The following SRGAP3 variants were observed in gnomAD, a reference collection of about 807,000 sequenced individuals.
The protein encoded by SRGAP3 is SLIT-ROBO Rho GTPase activating protein 3.
A neutral mutation model predicts 121.1 loss-of-function variants in SRGAP3; 39 were observed. That is an observed-to-expected ratio of 0.32 (90% CI 0.25 to 0.42). The LOEUF (loss-of-function observed/expected upper bound fraction) is 0.42, where lower values mean the gene tolerates loss of function less well. Ranked by LOEUF, SRGAP3 falls within the 10% of genes least tolerant of loss-of-function variation. The pLI is 1.00. For synonymous variants in SRGAP3, 601 were observed against 570.0 expected, an observed-to-expected ratio of 1.05 and a Z score of -0.77; for missense variants, 1,213 against 1,470.6, an observed-to-expected ratio of 0.82 and a Z score of 2.86.
At chr3:9,011,470 C>T (rs1043770030) in intron 17 of SRGAP3, among the ~76,000 whole-genome samples, 6 of 152,196 alleles carry the variant, frequency 3.9e-5, no homozygotes, top group Admixed American at 6.5e-5. Flanking sequence ...TCCCCTGTCA[C>T]ACATGCTATG....
At position 9,013,542 on chromosome 3, in the gene SRGAP3, G is replaced by A; in HGVS notation, c.1920-7C>T. 6.2e-7 allele frequency: 1 copy of A among 1,613,974 alleles called. No homozygotes were observed. The highest frequency in any genetic ancestry group is 8.5e-7 in the Non-Finnish European group (1 of 1,179,938). On this transcript the variant is annotated splice_region_variant and splice_polypyrimidine_tract_variant and intron_variant, in intron 16 of 21. Transcript: ENST00000383836. ...GTCGCTATACTGGGAGAGGCTAGGA[G>A]AGAGGAGTTACCCACAAGTCATCTG... is the stretch of plus-strand genomic sequence containing the variant.
At chr3:9,362,339 T>C (rs949552044) in intron 1 of SRGAP3, among the ~76,000 whole-genome samples, 1 of 151,186 alleles carries the variant, frequency 6.6e-6, no homozygotes, top group Admixed American at 6.6e-5. Flanking sequence ...AACTTTTGTA[T>C]TTTTAGTAGA....
At chr3:9,222,535 T>C (rs1014318362) in intron 1 of SRGAP3, among the ~76,000 whole-genome samples, 4 of 152,372 alleles carry the variant, frequency 2.6e-5, no homozygotes, top group Middle Eastern at 3.4e-3. Flanking sequence ...CAAGGGAACA[T>C]GTTAGGTGTT....
At chr3:9,022,827 A>G (rs950354815) in intron 14 of SRGAP3, among the ~76,000 whole-genome samples, 1 of 152,224 alleles carries the variant, frequency 6.6e-6, no homozygotes, top group African/African-American at 2.4e-5. Flanking sequence ...GGCCAACTGC[A>G]TCCGTGAGGA....
At chr3:9,197,760 T>A (rs904867814) in intron 1 of SRGAP3, among the ~76,000 whole-genome samples, 1 of 152,244 alleles carries the variant, frequency 6.6e-6, no homozygotes, top group African/African-American at 2.4e-5. Context: ...GTTCTCTAAC[T>A]ACATTGTTAT....
At chr3:9,193,084 C>T (rs1440707417) in intron 1 of SRGAP3, 1 of 152,226 alleles carries the variant, frequency 6.6e-6, no homozygotes, top group African/African-American at 2.4e-5. Context: ...CAAGACTTGC[C>T]AGCCAATTAG....
intron 18 of SRGAP3, among the ~76,000 whole-genome samples, chr3:8,999,068 G>A (rs1206982923): frequency 6.6e-6 from 1 of 152,232 alleles, no homozygotes; most frequent in Non-Finnish European, 1.5e-5. Context: ...TGTGTTTGAT[G>A]CAATTCAACT....
chr3:9,260,572 G>A (rs772820355), intron 3 of SRGAP3, among the ~76,000 whole-genome samples: 3 of 152,212 alleles, frequency 2.0e-5, no homozygotes, highest in Admixed American at 6.5e-5. Flanking sequence ...GCGTGGCATC[G>A]CCACTGTAGC....
chr3:9,018,739 G>A (rs1171652676), intron 14 of SRGAP3, among the ~76,000 whole-genome samples: 1 of 152,160 alleles, frequency 6.6e-6, no homozygotes, highest in African/African-American at 2.4e-5. Flanking sequence ...ATTTTAGGTA[G>A]TAATTTTTTT....
At chr3:9,283,595 T>C (rs1286554726) in intron 3 of SRGAP3, among the ~76,000 whole-genome samples, 4 of 152,218 alleles carry the variant, frequency 2.6e-5, no homozygotes, top group Admixed American at 2.0e-4. Context: ...ATACTGTCAG[T>C]TGTTTTCCTT....
At chr3:8,987,113 C>T (rs969320709) in intron 21 of SRGAP3, among the ~76,000 whole-genome samples, 1 of 152,228 alleles carries the variant, frequency 6.6e-6, no homozygotes, top group Non-Finnish European at 1.5e-5. Context: ...TATTACAATC[C>T]CAGACATTTA....
chr3:9,144,037 C>T (rs995154107), intron 1 of SRGAP3, among the ~76,000 whole-genome samples: 1 of 151,916 alleles, frequency 6.6e-6, no homozygotes, highest in Non-Finnish European at 1.5e-5. Flanking sequence ...AAACTAGCCC[C>T]CACATCACTT....
chr3:9,235,972 G>T (rs1415667634), intron 1 of SRGAP3: 2 of 156,414 alleles, frequency 1.3e-5, no homozygotes, highest in Admixed American at 6.5e-5. Flanking sequence ...AAATAAATAC[G>T]ACTCTCATCC....
intron 3 of SRGAP3, among the ~76,000 whole-genome samples, chr3:9,265,372 AT>A (rs1954337369): frequency 6.6e-6 from 1 of 152,232 alleles, no homozygotes; most frequent in African/African-American, 2.4e-5. Context: ...AAATTGACAA[AT>A]GGGGTCTAAT....
At chr3:9,155,838 C>T (rs559180245) in intron 1 of SRGAP3, among the ~76,000 whole-genome samples, 130 of 152,144 alleles carry the variant, frequency 8.5e-4, no homozygotes, top group African/African-American at 1.1e-3. Flanking sequence ...TTTCTTGAGA[C>T]GGAGTCTCGC....
chr3:9,228,453 G>GA (rs879945366), intron 1 of SRGAP3, among the ~76,000 whole-genome samples: 3 of 151,896 alleles, frequency 2.0e-5, no homozygotes, highest in Admixed American at 6.6e-5. Flanking sequence ...GGTTGGTCCA[G>GA]AAAAAAAAGT....
At chr3:9,280,836 G>A (rs1194573925) in intron 3 of SRGAP3, among the ~76,000 whole-genome samples, 2 of 152,184 alleles carry the variant, frequency 1.3e-5, no homozygotes, top group South Asian at 2.1e-4. Flanking sequence ...AATTTTAGGT[G>A]CACAGAACCC....
intron 5 of SRGAP3, among the ~76,000 whole-genome samples, chr3:9,063,790 T>C (rs1447227247): frequency 6.6e-6 from 1 of 152,202 alleles, no homozygotes; most frequent in Non-Finnish European, 1.5e-5. Flanking sequence ...GTTGTAAACG[T>C]GGCATTTTCA....
intron 1 of SRGAP3, among the ~76,000 whole-genome samples, chr3:9,189,321 T>C (rs1340360308): frequency 6.6e-6 from 1 of 152,198 alleles, no homozygotes; most frequent in South Asian, 2.1e-4. Flanking sequence ...TTAGGAAATG[T>C]TTCAGCTGGT....
Sources: gnomAD v4.1 joint callset for allele counts (sites outside exome capture counted in the v4.1 genomes callset) on GRCh38, gnomAD v4.1.1 for gene constraint, MANE v1.5 for transcripts, NCBI Gene and HGNC (gene_info 2026-07-23, HGNC 2026-07-21) for gene names.